JMJD6: variants seen among roughly 807,000 people sequenced by gnomAD.
JMJD6 encodes the protein bifunctional arginine demethylase and lysyl-hydroxylase JMJD6.
A neutral mutation model predicts 45.8 loss-of-function variants in JMJD6; 17 were observed. The ratio of observed to expected loss-of-function variants is 0.37; its 90% CI spans 0.25 to 0.56. JMJD6 has a LOEUF of 0.56. Among genes scored for constraint, JMJD6 ranks in the 20% least tolerant of loss-of-function variants. The pLI, the probability that JMJD6 is intolerant of heterozygous loss-of-function variation, is 0.79. For synonymous variants in JMJD6, 221 were observed against 196.3 expected (o/e 1.13, Z -1.05); for missense variants, 470 against 517.5 (o/e 0.91, Z 0.89).
chr17:76,720,510 G>T lies in JMJD6; in HGVS notation c.942-12C>A, dbSNP rs751161090. 15 of 1,613,640 alleles carry T rather than the reference G, an allele frequency of 9.3e-6. No individual in the cohort carries two copies. The highest frequency in any genetic ancestry group is 1.3e-5 in the Non-Finnish European group (15 of 1,179,832). ...CTTGCTTCAAAATCCTGAGAGGCAA[G>T]AAGTGTTGTTCTCAGTGCACTGACA... On this transcript the variant is annotated splice_polypyrimidine_tract_variant and intron_variant, in intron 4 of 5. Coordinates refer to ENST00000397625, the MANE Select transcript of JMJD6 (RefSeq NM_015167.3).
downstream of JMJD6, chr17:76,715,466 A>T (rs1289019803): frequency 6.6e-6 from 1 of 152,216 alleles, no homozygotes; most frequent in East Asian, 1.9e-4. Flanking sequence ...CACATGACCC[A>T]ATGTCAGGAA....
downstream of JMJD6, among the ~76,000 whole-genome samples, chr17:76,717,139 A>G (rs542331344): frequency 1.3e-5 from 2 of 152,124 alleles, no homozygotes; most frequent in South Asian, 4.1e-4. Context: ...GGGAGAGAAA[A>G]CGTTAACAGG....
At chr17:76,717,708 T>C (rs1299839482), downstream of JMJD6, among the ~76,000 whole-genome samples, 3 of 151,586 alleles carry the variant, frequency 2.0e-5, no homozygotes, top group Admixed American at 2.0e-4. Flanking sequence ...AAAAATTAGC[T>C]GGCCGGGCAT....
At chr17:76,721,428 A>G (rs2076822814) in intron 4 of JMJD6, 1 of 320,848 alleles carries the variant, frequency 3.1e-6, no homozygotes, top group Non-Finnish European at 6.4e-6. Context: ...TATTAAGTTC[A>G]AATGGGAATA....
chr17:76,723,174 G>C (rs1598379224), intron 3 of JMJD6, among the ~76,000 whole-genome samples: 2 of 151,854 alleles, frequency 1.3e-5, no homozygotes. Context: ...TTGAACTCCC[G>C]ACCTCAAGTG....
In JMJD6 at chr17:76,725,553, C is replaced by T. The variant is rs369150283; in HGVS notation, c.432G>A (p.Arg144=). The change falls in exon 2 of 6, where the codon AGG becomes AGA. Residue 144 remains arginine (R), a synonymous_variant. Transcript: ENST00000397625. ...DSSYGEHPKR[R]KLLEDYKVPK... ...GCACCTTGTAGTCTTCCAAAAGTTT[C>T]CTTCTTTTAGGGTGTTCACCATAGC... is the stretch of plus-strand genomic sequence containing the variant. 1.4e-5 allele frequency: 22 copies of T among 1,613,956 alleles called. No individual in the cohort carries two copies. The African/African-American group carries it at 2.7e-4, about 20-fold the overall frequency.
At chr17:76,719,979 A>G (rs903974227) in intron 5 of JMJD6, among the ~76,000 whole-genome samples, 1 of 152,170 alleles carries the variant, frequency 6.6e-6, no homozygotes, top group Non-Finnish European at 1.5e-5. Flanking sequence ...TATAGTCTCT[A>G]CTAAAAATAC....
chr17:76,718,076 T>C (rs1007638554), downstream of JMJD6, among the ~76,000 whole-genome samples: 1 of 149,776 alleles, frequency 6.7e-6, no homozygotes, highest in Non-Finnish European at 1.5e-5. Flanking sequence ...GGCAGGAGGA[T>C]TGCTTGAGTT....
Position 76,721,799 on chromosome 17 carries a change from TA to T in JMJD6, c.939del (p.Tyr313Ter). On this transcript the variant is annotated frameshift_variant and splice_region_variant, in exon 4 of 6. Coordinates refer to ENST00000397625, the MANE Select transcript of JMJD6 (RefSeq NM_015167.3). LOFTEE classifies it high-confidence loss of function. ...RGRPKLSRKW[Y>X]RILKQEHPEL... is the part of the protein sequence containing the mutation. ...AAATAAGAAAAAAATGACTCTCACC[TA>T]TACCATTTCCTTGATAACTTTGGTC... 6.2e-7 allele frequency: 1 copy of T among 1,613,930 alleles called. No individual in the cohort carries two copies. Among genetic ancestry groups the T allele is most frequent in the Non-Finnish European group, 8.5e-7 (1 of 1,179,918 alleles).
chr17:76,726,458 C>T lies in JMJD6; in HGVS notation c.18G>A (p.Lys6=), dbSNP rs777572533. 1.9e-6 allele frequency: 3 copies of T among 1,604,538 alleles called. No individual in the cohort carries two copies. In the South Asian group the frequency reaches 3.3e-5, roughly 18 times the overall value. Residue 6 remains lysine (K), a synonymous_variant, in exon 1 of 6, where the codon AAG becomes AAA. Coordinates refer to ENST00000397625, the MANE Select transcript of JMJD6 (RefSeq NM_015167.3). Reference sequence around the variant, plus strand: ...TCCGCTTGGCCTCGCGGATGCGCTTCTTGCTCTTGTGGTTCATTCTGCGGG... The same window carrying T: ...TCCGCTTGGCCTCGCGGATGCGCTTTTTGCTCTTGTGGTTCATTCTGCGGG... MNHKS[K]KRIREAKRSA...
downstream of JMJD6, chr17:76,718,320 C>G (rs1364760688): frequency 9.0e-6 from 5 of 554,044 alleles, no homozygotes; most frequent in Non-Finnish European, 1.3e-5. Context: ...ATGGCTCTCC[C>G]TACGCTGCTG....
downstream of JMJD6, chr17:76,718,430 C>G: frequency 1.5e-6 from 2 of 1,312,078 alleles, no homozygotes; most frequent in Non-Finnish European, 1.9e-6. Flanking sequence ...CTGGTATTCT[C>G]AAAGGAAAAC....
At position 76,726,521 on chromosome 17, in the gene JMJD6, G is replaced by T. The variant is rs1821486534; in HGVS notation, c.-46C>A. On this transcript the variant is annotated 5_prime_UTR_variant, in exon 1 of 6. Transcript: ENST00000397625. ...TTCCGCTACGACCTCGGCGCAGCCC[G>T]CTTCCTGACACTAACGCACCCCTCC... 3 of 1,558,952 alleles carry T rather than the reference G, an allele frequency of 1.9e-6. No homozygotes were observed. The highest frequency in any genetic ancestry group is 2.6e-6 in the Non-Finnish European group (3 of 1,154,894).
At chr17:76,718,933 C>T in intron 5 of JMJD6, 73 bp from the exon 6 acceptor site, 1 of 1,456,336 alleles carries the variant, frequency 6.9e-7, no homozygotes, top group Non-Finnish European at 9.4e-7. Context: ...AAACCTCTGA[C>T]CTCGGGAGAC....
chr17:76,720,923 G>T (rs985862755), intron 4 of JMJD6, among the ~76,000 whole-genome samples: 2 of 152,126 alleles, frequency 1.3e-5, no homozygotes, highest in African/African-American at 4.8e-5. Context: ...AGTTGCATTG[G>T]TTAGATTCTA....
chr17:76,716,821 CG>C, downstream of JMJD6: 2 of 1,237,272 alleles, frequency 1.6e-6, no homozygotes, highest in Non-Finnish European at 2.4e-6. Context: ...CGGGACCCCA[CG>C]TGGAAGTCAT....
At chr17:76,716,867 C>T, downstream of JMJD6, 1 of 715,476 alleles carries the variant, frequency 1.4e-6, no homozygotes, top group Non-Finnish European at 2.5e-6. Flanking sequence ...TTACAAATTA[C>T]AAAGTCACAG....
intron 5 of JMJD6, among the ~76,000 whole-genome samples, chr17:76,719,488 C>T (rs1359221014): frequency 1.3e-5 from 2 of 152,086 alleles, no homozygotes; most frequent in Non-Finnish European, 2.9e-5. Context: ...GGGATTTCAT[C>T]ATGTTGGCCA....
At chr17:76,726,065 A>C (rs529537946) in intron 1 of JMJD6, among the ~76,000 whole-genome samples, 19 of 150,526 alleles carry the variant, frequency 1.3e-4, no homozygotes, top group Middle Eastern at 6.8e-3. Context: ...CCCCTAGGGG[A>C]CCCGCCGCCC....
Sources: allele counts gnomAD v4.1 joint callset (sites outside exome capture counted in the v4.1 genomes callset), GRCh38; gene constraint gnomAD v4.1.1; transcripts MANE v1.5; gene names NCBI Gene and HGNC (gene_info 2026-07-23, HGNC 2026-07-21).